The following CSMD3 variants were observed in gnomAD, a reference collection of about 807,000 sequenced individuals.
CSMD3 encodes CUB and sushi domain-containing protein 3.
In CSMD3, 177 loss-of-function variants were observed where a neutral mutation model predicts 435.2. The ratio of observed to expected loss-of-function variants is 0.41; its 90% CI spans 0.36 to 0.46. The LOEUF is 0.46. CSMD3 is among the 20% of genes least tolerant of loss of function. CSMD3 has a pLI of 0.34. For missense variants in CSMD3, 4,265 were observed against 4,504.6 expected, an observed-to-expected ratio of 0.95 and a Z score of 1.52; for synonymous variants, 1,656 against 1,520.5, an observed-to-expected ratio of 1.09 and a Z score of -2.07.
At chr8:113,410,367 A>C (rs543706050) in intron 1 of CSMD3, among the ~76,000 whole-genome samples, 1 of 152,292 alleles carries the variant, frequency 6.6e-6, no homozygotes, top group Non-Finnish European at 1.5e-5. Context: ...CTACTGAGAC[A>C]GCTCATTAAA....
chr8:112,807,868 A>T (rs2079129805), intron 12 of CSMD3, among the ~76,000 whole-genome samples: 1 of 152,180 alleles, frequency 6.6e-6, no homozygotes, highest in African/African-American at 2.4e-5. Flanking sequence ...TGAATGAATT[A>T]TAAAGGAGGA....
At chr8:112,794,644 G>A (rs931840203) in intron 13 of CSMD3, among the ~76,000 whole-genome samples, 9 of 151,982 alleles carry the variant, frequency 5.9e-5, no homozygotes, top group African/African-American at 1.9e-4. Flanking sequence ...GCCCAAACCT[G>A]TAGAGCTGTA....
chr8:113,411,814 ACT>A (rs1309789251), intron 1 of CSMD3, among the ~76,000 whole-genome samples: 4 of 152,072 alleles, frequency 2.6e-5, no homozygotes, highest in African/African-American at 9.6e-5. Flanking sequence ...TTAGTGAAAA[ACT>A]CTTTTAGCAC....
rs548271185 is a variant in CSMD3 at position 112,442,507 on chromosome 8, C to T, written c.5395+30084G>A. Among the ~76,000 whole-genome samples, 6 of 152,300 alleles carry T rather than the reference C, an allele frequency of 3.9e-5. No individual in the cohort carries two copies. The South Asian group carries it at 1.2e-3, about 32-fold the overall frequency. ...CCTTGATATCTCCATCTTAAAATTA[C>T]ATGATTTTTACCTCTGTATCACAAA... On this transcript the variant is annotated intron_variant, in intron 32 of 70. Transcript: ENST00000297405.
intron 27 of CSMD3, among the ~76,000 whole-genome samples, chr8:112,540,604 A>G (rs1369891926): frequency 6.6e-6 from 1 of 152,056 alleles, no homozygotes; most frequent in African/African-American, 2.4e-5. Flanking sequence ...GGGGAGGAAA[A>G]ACATAAAATC....
intron 1 of CSMD3, among the ~76,000 whole-genome samples, chr8:113,326,582 T>C (rs563199051): frequency 6.6e-6 from 1 of 152,286 alleles, no homozygotes; most frequent in East Asian, 1.9e-4. Context: ...TAGTACGCTC[T>C]ACATTTTAAA....
At position 112,262,963 on chromosome 8, in the gene CSMD3, G is replaced by C. The variant is rs538357315; in HGVS notation, c.9862+676C>G. Among the ~76,000 whole-genome samples the C allele has an allele frequency of 1.8e-3, 273 of 152,070 alleles. 1 individual carries two copies. The highest frequency in any genetic ancestry group is 6.2e-3 in the African/African-American group (256 of 41,518). On this transcript the variant is annotated intron_variant, in intron 61 of 70. Transcript: ENST00000297405. ...CCTCCTCTATCCCATGCTGGGAAAG[G>C]AAAAAGAACTAGGAACAGGATAATG...
At chr8:112,872,833 T>G (rs2081174784) in intron 10 of CSMD3, among the ~76,000 whole-genome samples, 1 of 152,042 alleles carries the variant, frequency 6.6e-6, no homozygotes, top group Admixed American at 6.6e-5. Context: ...TAGAATGATA[T>G]AAATTATTAT....
chr8:112,566,473 C>T (rs941407491), intron 24 of CSMD3, among the ~76,000 whole-genome samples: 1 of 152,086 alleles, frequency 6.6e-6, no homozygotes, highest in African/African-American at 2.4e-5. Context: ...CTATACTCCA[C>T]CTTGCCCCTA....
rs763400152 is a variant in CSMD3 at position 112,524,992 on chromosome 8, A to AT, written c.4565-7768dup. ...TATTTTTATTAGTATTGCCAGAAAC[A>AT]TTTTTATATATTTTAAACTGTCGGT... On this transcript the variant is annotated intron_variant, in intron 27 of 70. Coordinates refer to ENST00000297405, the MANE Select transcript of CSMD3 (RefSeq NM_198123.2). 3.3e-5 allele frequency among the ~76,000 whole-genome samples: 5 copies of AT among 151,882 alleles called. No individual in the cohort carries two copies. The South Asian group carries it at 1.0e-3, about 32-fold the overall frequency.
chr8:112,573,535 T>A lies in CSMD3; in HGVS notation c.4008A>T (p.Glu1336Asp). The A allele has an allele frequency of 5.6e-6, 9 of 1,613,544 alleles. No homozygotes were observed. The highest frequency in any genetic ancestry group is 7.6e-6 in the Non-Finnish European group (9 of 1,179,600). Residue 1336 changes from glutamate to aspartate, a missense_variant, in exon 24 of 71, where the codon GAA becomes GAT. Glu to Asp is a conservative substitution (Grantham distance 45). Around this residue, in one of 3 missense-constraint regions of CSMD3, gnomAD observed 3,255 missense variants for 3,380.2 expected, o/e 0.96. Transcript: ENST00000297405. ...QLWLEFNSDT[E>D]GTDEGFQLVY... ...CAAGTTGAAAGCCTTCATCTGTCCC[T>A]TCAGTATCGGAATTAAATTCTAGCC...
Position 112,224,624 on chromosome 8 carries a change from G to A in CSMD3, c.*147C>T. ...CATGAAGAATTATGGTCCAGTTTATGAAAAAACACTCTTCTGTATCATTCC... is the reference window on the plus strand; with the variant it reads ...CATGAAGAATTATGGTCCAGTTTATAAAAAAACACTCTTCTGTATCATTCC... On this transcript the variant is annotated 3_prime_UTR_variant, in exon 71 of 71. Coordinates refer to ENST00000297405, the MANE Select transcript of CSMD3 (RefSeq NM_198123.2). 2 of 815,862 alleles carry A rather than the reference G, an allele frequency of 2.5e-6. No homozygotes were observed. The highest frequency in any genetic ancestry group is 2.1e-6 in the Non-Finnish European group (1 of 474,366). The allele number at this position is 815,862 out of a possible 1,614,324, so 50.5% of individuals were successfully genotyped here. A position where few individuals can be genotyped will look rare whatever the true frequency, so the allele number is the denominator to read the frequency against.
chr8:113,065,047 A>G (rs1482724538), intron 5 of CSMD3, among the ~76,000 whole-genome samples: 1 of 152,206 alleles, frequency 6.6e-6, no homozygotes. Context: ...AAAAATAGTG[A>G]AAATATACAG....
chr8:112,286,749 T>C (rs1255717413), intron 58 of CSMD3, among the ~76,000 whole-genome samples: 1 of 152,064 alleles, frequency 6.6e-6, no homozygotes, highest in Non-Finnish European at 1.5e-5. Flanking sequence ...GTATTCTCCA[T>C]GGATAAAGGA....
chr8:113,413,378 A>G (rs1250991148), intron 1 of CSMD3, among the ~76,000 whole-genome samples: 1 of 152,116 alleles, frequency 6.6e-6, no homozygotes, highest in Non-Finnish European at 1.5e-5. Context: ...GCTATGATGG[A>G]AAATCTTTTA....
At chr8:112,495,928 A>G (rs763726400) in intron 30 of CSMD3, among the ~76,000 whole-genome samples, 1 of 151,146 alleles carries the variant, frequency 6.6e-6, no homozygotes, top group African/African-American at 2.4e-5. Flanking sequence ...ATATGTATAT[A>G]TATATATTTA....
At chr8:112,837,406 A>G (rs987257020) in intron 11 of CSMD3, among the ~76,000 whole-genome samples, 1 of 151,778 alleles carries the variant, frequency 6.6e-6, no homozygotes, top group Admixed American at 6.6e-5. Flanking sequence ...GAGACAGGAT[A>G]ATATAGATAA....
At chr8:112,493,353 T>C (rs866906985) in intron 30 of CSMD3, among the ~76,000 whole-genome samples, 13 of 152,228 alleles carry the variant, frequency 8.5e-5, no homozygotes, top group Admixed American at 4.6e-4. Flanking sequence ...AAAACGTCTT[T>C]ATTTAAAAGA....
chr8:113,150,369 T>C (rs1588156912), intron 4 of CSMD3, among the ~76,000 whole-genome samples: 1 of 151,952 alleles, frequency 6.6e-6, no homozygotes, highest in Non-Finnish European at 1.5e-5. Flanking sequence ...TCCTCTACTG[T>C]TGAACTTAAA....
Sources: gnomAD v4.1 joint callset for allele counts (sites outside exome capture counted in the v4.1 genomes callset) on GRCh38, gnomAD v4.1.1 for gene constraint, gnomAD v4.1.1 regional missense constraint, MANE v1.5 for transcripts, NCBI Gene and HGNC (gene_info 2026-07-23, HGNC 2026-07-21) for gene names.